Variants in RABGAP1L observed in about 807,000 individuals in gnomAD.
The protein encoded by RABGAP1L is RAB GTPase activating protein 1 like.
A neutral mutation model predicts 137.7 loss-of-function variants in RABGAP1L; 63 were observed. The ratio of observed to expected loss-of-function variants is 0.46; its 90% CI spans 0.37 to 0.56. The LOEUF is 0.56. Among genes scored for constraint, RABGAP1L ranks in the 20% least tolerant of loss-of-function variants. RABGAP1L has a pLI of 0.00. For synonymous variants in RABGAP1L, 431 were observed against 433.7 expected (o/e 0.99, Z 0.08); for missense variants, 1,095 against 1,244.0 (o/e 0.88, Z 1.80).
intron 13 of RABGAP1L, among the ~76,000 whole-genome samples, chr1:174,501,744 T>C (rs1041904460): frequency 6.6e-6 from 1 of 152,200 alleles, no homozygotes; most frequent in Non-Finnish European, 1.5e-5. Context: ...TTTTTAAAAA[T>C]CCATAACTTA....
chr1:174,567,547 G>A (rs889506164), intron 13 of RABGAP1L, among the ~76,000 whole-genome samples: 2 of 152,172 alleles, frequency 1.3e-5, no homozygotes, highest in African/African-American at 2.4e-5. Context: ...TGAATGAGTA[G>A]TAATATGGCT....
At chr1:174,527,382 G>C (rs1047106544) in intron 13 of RABGAP1L, among the ~76,000 whole-genome samples, 1 of 151,584 alleles carries the variant, frequency 6.6e-6, no homozygotes, top group Non-Finnish European at 1.5e-5. Flanking sequence ...TTTGTGTTTT[G>C]AGTAGGGACT....
At chr1:174,515,169 C>T (rs1028582414) in intron 13 of RABGAP1L, among the ~76,000 whole-genome samples, 2 of 152,098 alleles carry the variant, frequency 1.3e-5, no homozygotes, top group Non-Finnish European at 2.9e-5. Flanking sequence ...TGAATTTACT[C>T]CAACTGAAAT....
intron 13 of RABGAP1L, among the ~76,000 whole-genome samples, chr1:174,455,121 G>A (rs1379215172): frequency 6.6e-6 from 1 of 152,122 alleles, no homozygotes; most frequent in Non-Finnish European, 1.5e-5. Context: ...TATTTAACAT[G>A]AAAGGCACAT....
intron 13 of RABGAP1L, among the ~76,000 whole-genome samples, chr1:174,513,953 GAC>G (rs1662575830): frequency 6.6e-6 from 1 of 152,100 alleles, no homozygotes; most frequent in African/African-American, 2.4e-5. Context: ...ACTTTGGGAT[GAC>G]ACAGTGTCAT....
chr1:174,538,255 C>A (rs990575885), intron 13 of RABGAP1L, among the ~76,000 whole-genome samples: 9 of 152,184 alleles, frequency 5.9e-5, no homozygotes, highest in African/African-American at 2.2e-4. Context: ...AGGCTTTCTC[C>A]TGCTTTTCAA....
At chr1:174,556,952 T>TA (rs376134178) in intron 13 of RABGAP1L, among the ~76,000 whole-genome samples, 1 of 152,352 alleles carries the variant, frequency 6.6e-6, no homozygotes, top group Non-Finnish European at 1.5e-5. Flanking sequence ...TGTAGGTTGT[T>TA]ACATCCTTTA....
intron 13 of RABGAP1L, among the ~76,000 whole-genome samples, chr1:174,436,130 C>G (rs1220995849): frequency 6.6e-6 from 1 of 152,134 alleles, no homozygotes; most frequent in Non-Finnish European, 1.5e-5. Flanking sequence ...GTGCATGTGT[C>G]TTTATAGCAG....
chr1:174,695,585 T>A (rs1679186402), intron 15 of RABGAP1L, among the ~76,000 whole-genome samples: 1 of 152,204 alleles, frequency 6.6e-6, no homozygotes, highest in South Asian at 2.1e-4. Context: ...CACATATCTC[T>A]CACTCCAGGA....
chr1:174,530,888 T>A (rs1461251679), intron 13 of RABGAP1L, among the ~76,000 whole-genome samples: 1 of 151,870 alleles, frequency 6.6e-6, no homozygotes, highest in Middle Eastern at 3.4e-3. Context: ...CTTGTGGAAT[T>A]TTTTTTTAAC....
intron 13 of RABGAP1L, among the ~76,000 whole-genome samples, chr1:174,551,253 A>G (rs1457858481): frequency 6.6e-6 from 1 of 151,464 alleles, no homozygotes; most frequent in Non-Finnish European, 1.5e-5. Context: ...ACCCAACAAG[A>G]GTAGAATATG....
intron 1 of RABGAP1L, among the ~76,000 whole-genome samples, chr1:174,211,490 G>C (rs910285050): frequency 6.6e-6 from 1 of 151,930 alleles, no homozygotes; most frequent in Non-Finnish European, 1.5e-5. Flanking sequence ...CATACAATAA[G>C]TACAAAAAAA....
intron 13 of RABGAP1L, among the ~76,000 whole-genome samples, chr1:174,396,555 C>T (rs981593941): frequency 1.3e-5 from 2 of 151,800 alleles, no homozygotes; most frequent in Non-Finnish European, 2.9e-5. Flanking sequence ...TTTCAGAGAT[C>T]ATAACTCTGG....
chr1:174,342,482 A>T (rs549503787), intron 11 of RABGAP1L, among the ~76,000 whole-genome samples: 1 of 152,202 alleles, frequency 6.6e-6, no homozygotes, highest in Non-Finnish European at 1.5e-5. Context: ...AATCTTTGAG[A>T]TATTTAAATA....
chr1:174,294,848 CTTGA>C (rs1395282645), intron 10 of RABGAP1L, among the ~76,000 whole-genome samples: 1 of 151,778 alleles, frequency 6.6e-6, no homozygotes, highest in East Asian at 1.9e-4. Flanking sequence ...TGTTGATGCT[CTTGA>C]TTGAGATAGA....
chr1:174,268,140 G>A (rs1312305494), intron 7 of RABGAP1L, among the ~76,000 whole-genome samples: 2 of 151,698 alleles, frequency 1.3e-5, no homozygotes, highest in African/African-American at 4.8e-5. Context: ...AACTGTGATT[G>A]CATTATAGAT....
chr1:174,430,528 A>C (rs948769260), intron 13 of RABGAP1L, among the ~76,000 whole-genome samples: 8 of 152,192 alleles, frequency 5.3e-5, no homozygotes, highest in Non-Finnish European at 1.2e-4. Flanking sequence ...ATCTGGGCAC[A>C]ACATGTTGGC....
chr1:174,357,332 C>T (rs531203249), intron 11 of RABGAP1L, among the ~76,000 whole-genome samples: 43 of 152,276 alleles, frequency 2.8e-4, no homozygotes, highest in Middle Eastern at 3.4e-3. Flanking sequence ...AAGGAATGTA[C>T]ACAATTCTTT....
At chr1:174,204,412 C>A (rs572974067) in intron 1 of RABGAP1L, among the ~76,000 whole-genome samples, 1 of 152,234 alleles carries the variant, frequency 6.6e-6, no homozygotes, top group South Asian at 2.1e-4. Flanking sequence ...CTTACTCTTG[C>A]CTAATTGCTC....
Sources: allele counts gnomAD v4.1 joint callset (sites outside exome capture counted in the v4.1 genomes callset), GRCh38; gene constraint gnomAD v4.1.1; transcripts MANE v1.5; gene names NCBI Gene and HGNC (gene_info 2026-07-23, HGNC 2026-07-21).